Variants in CAST observed in about 807,000 individuals in gnomAD.
CAST encodes calpastatin.
A neutral mutation model predicts 119.6 loss-of-function variants in CAST; 76 were observed. That is an observed-to-expected ratio of 0.64 (90% CI 0.53 to 0.77). The LOEUF is 0.77. Among genes scored for constraint, CAST ranks in the 30% least tolerant of loss-of-function variants. CAST has a pLI of 0.00. For synonymous variants in CAST, 319 were observed against 331.6 expected (o/e 0.96, Z 0.41); for missense variants, 953 against 946.5 (o/e 1.01, Z -0.09).
Position 96,687,767 on chromosome 5 carries a change from T to C in CAST, c.139-8069T>C, listed in dbSNP as rs142134670. On this transcript the variant is annotated intron_variant, in intron 2 of 31. Coordinates refer to ENST00000675179, the MANE Select transcript of CAST (RefSeq NM_001750.7). ...GAAACTGAGAGCTAAAACAATCTTATAATAACATCCCATTTTTGGTTTCAC... is the reference window on the plus strand; with the variant it reads ...GAAACTGAGAGCTAAAACAATCTTACAATAACATCCCATTTTTGGTTTCAC... 2.9e-3 allele frequency among the ~76,000 whole-genome samples: 444 copies of C among 152,332 alleles called. 3 individuals are homozygous for C. Among genetic ancestry groups the C allele is most frequent in the African/African-American group, 0.01 (432 of 41,564 alleles).
chr5:96,057,915 T>A, the CAST span, among the ~76,000 whole-genome samples: 1 of 152,168 alleles, frequency 6.6e-6, no homozygotes, highest in Non-Finnish European at 1.5e-5. Flanking sequence ...CTGCCCTTGA[T>A]TGAAATCATT....
the CAST span, among the ~76,000 whole-genome samples, chr5:96,034,950 T>C: frequency 1.3e-5 from 2 of 150,816 alleles, no homozygotes. Context: ...AGCTTCCTTC[T>C]TTTGTATGGC....
intron 1 of CAST, among the ~76,000 whole-genome samples, chr5:96,617,191 C>A (rs1747476034): frequency 6.6e-6 from 1 of 152,062 alleles, no homozygotes; most frequent in African/African-American, 2.4e-5. Context: ...ACTGACTGCT[C>A]TGAGAATGTA....
At chr5:96,335,976 C>A in the CAST span, among the ~76,000 whole-genome samples, 2 of 152,106 alleles carry the variant, frequency 1.3e-5, no homozygotes, top group African/African-American at 4.8e-5. Context: ...TTAACTGGAC[C>A]AATATAACAG....
chr5:96,351,905 G>A, the CAST span, among the ~76,000 whole-genome samples: 17 of 152,148 alleles, frequency 1.1e-4, no homozygotes, highest in Admixed American at 3.3e-4. Flanking sequence ...TTTTCTAAAA[G>A]GATCACAGAA....
At chr5:96,214,030 T>C in the CAST span, among the ~76,000 whole-genome samples, 1 of 152,190 alleles carries the variant, frequency 6.6e-6, no homozygotes, top group Non-Finnish European at 1.5e-5. Flanking sequence ...GAAGATCTTT[T>C]TGTATTGGTA....
At chr5:96,580,507 T>A (rs1413604145) in intron 1 of CAST, among the ~76,000 whole-genome samples, 1 of 152,202 alleles carries the variant, frequency 6.6e-6, no homozygotes, top group African/African-American at 2.4e-5. Context: ...TACTACAGTG[T>A]TTCTCAAGTT....
At chr5:96,588,868 C>T (rs920926598) in intron 1 of CAST, among the ~76,000 whole-genome samples, 3 of 152,190 alleles carry the variant, frequency 2.0e-5, no homozygotes, top group African/African-American at 4.8e-5. Context: ...GCTCCACCTA[C>T]ATTTTTTAGT....
the CAST span, among the ~76,000 whole-genome samples, chr5:96,492,741 C>T: frequency 1.3e-5 from 2 of 152,236 alleles, no homozygotes; most frequent in East Asian, 1.9e-4. Flanking sequence ...CAATGGAGAA[C>T]ACACATGGAA....
intron 3 of CAST, among the ~76,000 whole-genome samples, chr5:96,713,791 A>G (rs955731814): frequency 1.3e-5 from 2 of 152,042 alleles, no homozygotes; most frequent in Non-Finnish European, 2.9e-5. Context: ...CCTGACCAAT[A>G]TGGTGAAACC....
chr5:96,559,492 T>C (rs1746312991), intron 1 of CAST, among the ~76,000 whole-genome samples: 1 of 152,170 alleles, frequency 6.6e-6, no homozygotes, highest in Admixed American at 6.5e-5. Flanking sequence ...CTTAAGCTGA[T>C]AAGCAACTTC....
At chr5:96,181,477 C>T in the CAST span, among the ~76,000 whole-genome samples, 1 of 152,168 alleles carries the variant, frequency 6.6e-6, no homozygotes, top group African/African-American at 2.4e-5. Flanking sequence ...CCACAGTTAA[C>T]CTTCCAAACA....
intron 1 of CAST, among the ~76,000 whole-genome samples, chr5:96,530,303 A>T (rs556712121): frequency 1.6e-4 from 25 of 152,196 alleles, no homozygotes; most frequent in Admixed American, 6.5e-4. Context: ...AGAGAAGAAA[A>T]CAGTATTCCA....
At chr5:96,673,129 C>G (rs1406834334) in intron 1 of CAST, among the ~76,000 whole-genome samples, 1 of 152,042 alleles carries the variant, frequency 6.6e-6, no homozygotes, top group Non-Finnish European at 1.5e-5. Flanking sequence ...ATAGTAAACA[C>G]CCAATAAAAC....
At chr5:96,357,306 A>G in the CAST span, among the ~76,000 whole-genome samples, 45,362 of 152,010 alleles carry the variant, frequency 0.3, 6,916 homozygotes, top group African/African-American at 0.35. Context: ...CTCTCTTCCT[A>G]TTTGAATACC....
intron 3 of CAST, chr5:96,714,914 T>C (rs1053046317): frequency 3.3e-5 from 5 of 152,142 alleles, no homozygotes; most frequent in African/African-American, 7.2e-5. Flanking sequence ...GATTTTTTTT[T>C]CTAAGTTCTT....
intron 1 of CAST, among the ~76,000 whole-genome samples, chr5:96,558,591 T>C (rs1251616024): frequency 6.6e-6 from 1 of 152,044 alleles, no homozygotes; most frequent in Non-Finnish European, 1.5e-5. Context: ...TCTACACAAA[T>C]AAACTAGAAA....
the CAST span, among the ~76,000 whole-genome samples, chr5:96,108,370 C>G: frequency 1.3e-5 from 2 of 152,184 alleles, no homozygotes; most frequent in Non-Finnish European, 2.9e-5. Context: ...TACTTTTGGT[C>G]TTTAATGATG....
At chr5:96,547,331 G>A (rs1746037059) in intron 1 of CAST, among the ~76,000 whole-genome samples, 2 of 152,154 alleles carry the variant, frequency 1.3e-5, no homozygotes, top group South Asian at 4.1e-4. Flanking sequence ...ATAACTCCCA[G>A]TTCCAGGCTG....
Sources: allele counts gnomAD v4.1 joint callset (sites outside exome capture counted in the v4.1 genomes callset), GRCh38; gene constraint gnomAD v4.1.1; transcripts MANE v1.5; gene names NCBI Gene and HGNC (gene_info 2026-07-23, HGNC 2026-07-21).